CHST11: variants seen among roughly 807,000 people sequenced by gnomAD.
CHST11 encodes carbohydrate sulfotransferase 11, also known as C4S-1.
Under a neutral mutation model 30.4 loss-of-function variants are expected in CHST11, and 9 were observed. The ratio of observed to expected loss-of-function variants is 0.30; its 90% CI spans 0.18 to 0.52. The LOEUF is 0.52. Ranked by LOEUF, CHST11 falls within the 20% of genes least tolerant of loss-of-function variation. CHST11 has a pLI of 0.97. For missense variants in CHST11, 348 were observed against 460.6 expected (o/e 0.76, Z 2.24); for synonymous variants, 152 against 187.8 (o/e 0.81, Z 1.56).
At chr12:104,549,723 T>G (rs1478625258) in intron 1 of CHST11, among the ~76,000 whole-genome samples, 3 of 151,928 alleles carry the variant, frequency 2.0e-5, no homozygotes, top group African/African-American at 7.3e-5. Flanking sequence ...CTGAGCAACA[T>G]AGAGAGAGCC....
chr12:104,728,351 C>T (rs991833302), intron 2 of CHST11, among the ~76,000 whole-genome samples: 53 of 152,042 alleles, frequency 3.5e-4, no homozygotes, highest in East Asian at 5.8e-4. Context: ...AATTTGGATG[C>T]GCCCACAGTC....
intron 2 of CHST11, among the ~76,000 whole-genome samples, chr12:104,731,507 G>C (rs914075959): frequency 6.6e-6 from 1 of 152,200 alleles, no homozygotes; most frequent in Non-Finnish European, 1.5e-5. Context: ...GAGAAGAGGG[G>C]AGAACCTGGT....
intron 2 of CHST11, among the ~76,000 whole-genome samples, chr12:104,712,983 C>A (rs1224568787): frequency 6.6e-6 from 1 of 152,018 alleles, no homozygotes; most frequent in African/African-American, 2.4e-5. Context: ...ACCTTCCCCT[C>A]CAGGACCCCC....
At chr12:104,505,840 G>A (rs369424421) in intron 1 of CHST11, among the ~76,000 whole-genome samples, 1 of 152,130 alleles carries the variant, frequency 6.6e-6, no homozygotes, top group African/African-American at 2.4e-5. Context: ...TACCTATTTT[G>A]TGTCTCATGC....
chr12:104,577,581 C>T (rs1021437566), intron 1 of CHST11, among the ~76,000 whole-genome samples: 4 of 135,858 alleles, frequency 2.9e-5, no homozygotes, highest in African/African-American at 7.9e-5. Context: ...TAGTGAGCTA[C>T]GTTTAACACT....
chr12:104,529,471 C>T (rs1309965565), intron 1 of CHST11, among the ~76,000 whole-genome samples: 2 of 152,176 alleles, frequency 1.3e-5, no homozygotes, highest in African/African-American at 4.8e-5. Flanking sequence ...AATTCAGCTG[C>T]TTTGACAGAG....
At chr12:104,620,502 T>G (rs1383768767) in intron 2 of CHST11, among the ~76,000 whole-genome samples, 1 of 152,192 alleles carries the variant, frequency 6.6e-6, no homozygotes, top group Non-Finnish European at 1.5e-5. Flanking sequence ...TACCAAGAAA[T>G]GGGCTGATTT....
chr12:104,697,242 C>T (rs2039955457), intron 2 of CHST11, among the ~76,000 whole-genome samples: 1 of 152,178 alleles, frequency 6.6e-6, no homozygotes, highest in South Asian at 2.1e-4. Context: ...GACAATGTGA[C>T]TGGATTAAGG....
At chr12:104,511,406 C>T (rs559981494) in intron 1 of CHST11, among the ~76,000 whole-genome samples, 5 of 152,278 alleles carry the variant, frequency 3.3e-5, no homozygotes, top group South Asian at 2.1e-4. Context: ...ATAGAAGGCT[C>T]GTGTGATATG....
chr12:104,471,090 T>C (rs2037504483), intron 1 of CHST11, among the ~76,000 whole-genome samples: 1 of 152,206 alleles, frequency 6.6e-6, no homozygotes, highest in African/African-American at 2.4e-5. Flanking sequence ...GTCTAGTTCA[T>C]GTATTACCTC....
chr12:104,598,948 G>C (rs2038932363), intron 1 of CHST11, among the ~76,000 whole-genome samples: 1 of 151,368 alleles, frequency 6.6e-6, no homozygotes, highest in Non-Finnish European at 1.5e-5. Context: ...TCGAGGCTCA[G>C]CTTGGCTCCT....
chr12:104,730,242 C>G (rs539221306), intron 2 of CHST11, among the ~76,000 whole-genome samples: 8 of 152,344 alleles, frequency 5.3e-5, no homozygotes, highest in African/African-American at 1.9e-4. Flanking sequence ...ACTGTGTGAC[C>G]TGAGAGCAGT....
At chr12:104,552,838 G>A (rs956858491) in intron 1 of CHST11, 1 of 152,224 alleles carries the variant, frequency 6.6e-6, no homozygotes, top group Non-Finnish European at 1.5e-5. Flanking sequence ...TCTCTGTCCA[G>A]TGCTGTTTCT....
rs2039168630 is a variant in CHST11, at chr12:104,622,409, G to T, written c.204+20418G>T. Among the ~76,000 whole-genome samples, 3 of 152,134 alleles carry T rather than the reference G, an allele frequency of 2.0e-5. No homozygotes were observed. In the South Asian group the frequency reaches 6.2e-4, roughly 31 times the overall value. On this transcript the variant is annotated intron_variant, in intron 2 of 2. Transcript: ENST00000303694. Reference sequence around the variant, plus strand: ...TATATTTGTCAAGATTTTCCTTCATGAAATGATTATATAATTCTTACAGTA... The same window carrying T: ...TATATTTGTCAAGATTTTCCTTCATTAAATGATTATATAATTCTTACAGTA...
chr12:104,655,824 C>T (rs376665368), intron 2 of CHST11, among the ~76,000 whole-genome samples: 16 of 152,298 alleles, frequency 1.1e-4, no homozygotes, highest in African/African-American at 3.6e-4. Flanking sequence ...TCTTCTGCCC[C>T]GCTCCCTGTA....
At chr12:104,738,357 G>A (rs770266362) in intron 2 of CHST11, among the ~76,000 whole-genome samples, 19 of 152,138 alleles carry the variant, frequency 1.2e-4, no homozygotes, top group Non-Finnish European at 2.5e-4. Flanking sequence ...GGCCTTCGGC[G>A]CCAGCTCACT....
At chr12:104,668,705 A>G (rs529505730) in intron 2 of CHST11, among the ~76,000 whole-genome samples, 32 of 152,292 alleles carry the variant, frequency 2.1e-4, no homozygotes, top group African/African-American at 7.0e-4. Context: ...GTCCGATGGC[A>G]GCAACCCCCA....
At chr12:104,557,955 G>A (rs908255415) in intron 1 of CHST11, among the ~76,000 whole-genome samples, 3 of 151,614 alleles carry the variant, frequency 2.0e-5, no homozygotes, top group African/African-American at 4.8e-5. Context: ...TTTCAGGGGT[G>A]GGGACAACCT....
rs140486952 is a variant in CHST11, at chr12:104,761,464, TACAC to T, written c.*3695_*3698del. ...CTTGCTTTCCTAGCCAGTCCTCCCC[TACAC>T]ACACACACACACACACACACACACA... On this transcript the variant is annotated 3_prime_UTR_variant, in exon 3 of 3. Transcript: ENST00000303694. 17,597 of 142,828 alleles carry T rather than the reference TACAC, an allele frequency of 0.12. 1,219 individuals carry two copies. Among genetic ancestry groups the T allele is most frequent in the Admixed American group, 0.19 (2,792 of 14,600 alleles). The allele number at this position is 142,828 out of a possible 1,614,324, so 8.8% of individuals were successfully genotyped here.
Sources: gnomAD v4.1 joint callset for allele counts (sites outside exome capture counted in the v4.1 genomes callset) on GRCh38, gnomAD v4.1.1 for gene constraint, MANE v1.5 for transcripts, NCBI Gene and HGNC (gene_info 2026-07-23, HGNC 2026-07-21) for gene names.